CACNA2D1: variants seen among roughly 807,000 people sequenced by gnomAD.
The protein encoded by CACNA2D1 is calcium voltage-gated channel auxiliary subunit alpha2delta 1.
In CACNA2D1, 53 loss-of-function variants were observed where a neutral mutation model predicts 171.5. The ratio of observed to expected loss-of-function variants is 0.31; its 90% CI spans 0.25 to 0.39. The LOEUF is 0.39. CACNA2D1 is among the 10% of genes least tolerant of loss of function. The pLI, the probability that CACNA2D1 is intolerant of heterozygous loss-of-function variation, is 1.00. For synonymous variants in CACNA2D1, 442 were observed against 443.1 expected, an observed-to-expected ratio of 1.00 and a Z score of 0.03; for missense variants, 903 against 1,299.8, an observed-to-expected ratio of 0.69 and a Z score of 4.69.
At chr7:82,014,562 GA>G (rs1800193207) in intron 12 of CACNA2D1, 83 bp from the exon 13 acceptor site, 2 of 780,122 alleles carry the variant, frequency 2.6e-6, no homozygotes, top group Non-Finnish European at 2.3e-6. Context: ...AATTTCTATT[GA>G]AAAGAGTGCT....
At chr7:82,336,017 G>T (rs896593141) in intron 2 of CACNA2D1, among the ~76,000 whole-genome samples, 1 of 152,132 alleles carries the variant, frequency 6.6e-6, no homozygotes, top group African/African-American at 2.4e-5. Flanking sequence ...TTAAAGAAAG[G>T]GGGGTTGGAG....
chr7:82,349,492 C>T (rs1819605335), intron 2 of CACNA2D1, 76 bp downstream of exon 2: 1 of 1,146,020 alleles, frequency 8.7e-7, no homozygotes, highest in Non-Finnish European at 1.3e-6. Context: ...AATATAGAGA[C>T]ACAGTTTCCT....
At chr7:81,991,939 A>G (rs1312100712) in intron 20 of CACNA2D1, among the ~76,000 whole-genome samples, 1 of 149,938 alleles carries the variant, frequency 6.7e-6, no homozygotes, top group Non-Finnish European at 1.5e-5. Flanking sequence ...GGTTCATGCT[A>G]TTCTCCTGCT....
In CACNA2D1 at chr7:81,967,161, T is replaced by C; in HGVS notation, c.2502+8A>G. ...GTACTCAAAAGTGATTTTAAATAGT[T>C]TTCTTACGTCACTGTTTCTTTTGCA... On this transcript the variant is annotated splice_region_variant and intron_variant, in intron 31 of 38. Transcript: ENST00000356860. The C allele has an allele frequency of 6.2e-7, 1 of 1,602,128 alleles. No homozygotes were observed. Among genetic ancestry groups the C allele is most frequent in the East Asian group, 2.2e-5 (1 of 44,542 alleles).
At chr7:82,382,103 C>T (rs1218571518) in intron 1 of CACNA2D1, among the ~76,000 whole-genome samples, 1 of 152,080 alleles carries the variant, frequency 6.6e-6, no homozygotes, top group African/African-American at 2.4e-5. Flanking sequence ...TTGTGAATCC[C>T]AAAGTAAGAG....
At chr7:81,990,213 G>A (rs150782879) in intron 21 of CACNA2D1, among the ~76,000 whole-genome samples, 15 of 152,192 alleles carry the variant, frequency 9.9e-5, no homozygotes, top group Admixed American at 5.9e-4. Context: ...TTACAAGCCC[G>A]TGATAGCAAA....
chr7:82,009,192 T>A (rs1172359783), intron 15 of CACNA2D1: 1 of 152,158 alleles, frequency 6.6e-6, no homozygotes, highest in East Asian at 1.9e-4. Context: ...TTCTCTCTCC[T>A]GCTGCCTGGC....
At chr7:82,060,582 A>T (rs543239984) in intron 9 of CACNA2D1, 55 bp from the exon 10 acceptor site, 4 of 1,019,532 alleles carry the variant, frequency 3.9e-6, no homozygotes, top group Non-Finnish European at 6.2e-6. Flanking sequence ...TTAATCAAGA[A>T]CATCATAAGG....
Position 81,988,117 on chromosome 7 carries a change from C to T in CACNA2D1, c.1796+3068G>A, listed in dbSNP as rs1294150255. On this transcript the variant is annotated intron_variant, in intron 21 of 38. Transcript: ENST00000356860. ...TATCACATTGTAAGGGTCAAAAGAA[C>T]CCAGTTTTTCTCAGAATTTGTTCAT... Among the ~76,000 whole-genome samples the T allele has an allele frequency of 2.0e-5, 3 of 152,080 alleles. No individual in the cohort carries two copies. In the East Asian group the frequency reaches 5.8e-4, roughly 29 times the overall value.
At chr7:82,303,416 G>C (rs918290532) in intron 3 of CACNA2D1, among the ~76,000 whole-genome samples, 1 of 114,110 alleles carries the variant, frequency 8.8e-6, no homozygotes, top group African/African-American at 3.3e-5. Context: ...ATTTTTCACA[G>C]AAATAGAAAA....
At chr7:82,004,368 GT>G (rs1290768087) in intron 18 of CACNA2D1, among the ~76,000 whole-genome samples, 1 of 151,842 alleles carries the variant, frequency 6.6e-6, no homozygotes, top group Non-Finnish European at 1.5e-5. Flanking sequence ...AGATAATTAT[GT>G]GATGAATTTG....
chr7:82,013,304 A>C (rs1389937618), intron 14 of CACNA2D1, among the ~76,000 whole-genome samples, 157 bp downstream of exon 14: 1 of 151,912 alleles, frequency 6.6e-6, no homozygotes, highest in African/African-American at 2.4e-5. Flanking sequence ...TAATGAAATA[A>C]AACCAATGTA....
At chr7:82,177,373 G>C (rs893485469) in intron 3 of CACNA2D1, among the ~76,000 whole-genome samples, 1 of 151,962 alleles carries the variant, frequency 6.6e-6, no homozygotes, top group Non-Finnish European at 1.5e-5. Flanking sequence ...ATCTGATATT[G>C]GTATTGTTGA....
intron 18 of CACNA2D1, among the ~76,000 whole-genome samples, chr7:82,004,037 G>A (rs1459568131): frequency 6.6e-6 from 1 of 152,152 alleles, no homozygotes; most frequent in East Asian, 1.9e-4. Context: ...GAGCCGCCAC[G>A]CCCAGCCCAC....
intron 3 of CACNA2D1, among the ~76,000 whole-genome samples, chr7:82,253,440 A>G (rs1805912840): frequency 6.6e-6 from 1 of 152,214 alleles, no homozygotes; most frequent in Non-Finnish European, 1.5e-5. Flanking sequence ...GTCATACTGC[A>G]TGTATCACAC....
chr7:82,303,051 T>A (rs933929354), intron 3 of CACNA2D1, among the ~76,000 whole-genome samples: 2 of 152,118 alleles, frequency 1.3e-5, no homozygotes, highest in Non-Finnish European at 2.9e-5. Flanking sequence ...TGGAGTGCAG[T>A]GGTGCGATCT....
chr7:81,993,791 T>C (rs1473701931), intron 20 of CACNA2D1, among the ~76,000 whole-genome samples: 1 of 152,102 alleles, frequency 6.6e-6, no homozygotes, highest in South Asian at 2.1e-4. Context: ...CAGGAAAATA[T>C]AGTCTTTAGG....
At chr7:82,372,474 C>A (rs953914345) in intron 1 of CACNA2D1, among the ~76,000 whole-genome samples, 6 of 152,050 alleles carry the variant, frequency 3.9e-5, no homozygotes, top group African/African-American at 1.4e-4. Context: ...GTATGAGATT[C>A]CTCAGTGCAT....
intron 2 of CACNA2D1, among the ~76,000 whole-genome samples, chr7:82,338,968 G>A (rs1398309950): frequency 1.3e-5 from 2 of 152,166 alleles, no homozygotes; most frequent in East Asian, 1.9e-4. Context: ...ACCTACAGCT[G>A]AGGGGCCCTA....
Sources: gnomAD v4.1 joint callset for allele counts (sites outside exome capture counted in the v4.1 genomes callset) on GRCh38, gnomAD v4.1.1 for gene constraint, MANE v1.5 for transcripts, NCBI Gene and HGNC (gene_info 2026-07-23, HGNC 2026-07-21) for gene names.